TBC1D31: variants seen among roughly 807,000 people sequenced by gnomAD.
TBC1D31 encodes TBC1 domain family member 31.
TBC1D31 carries 99 observed loss-of-function variants against 132.9 expected under a neutral mutation model. That is an observed-to-expected ratio of 0.74 (90% CI 0.63 to 0.88). The LOEUF is 0.88. TBC1D31 is among the 40% of genes least tolerant of loss of function. TBC1D31 has a pLI of 0.00. For missense variants in TBC1D31, 1,134 were observed against 1,256.6 expected (o/e 0.90, Z 1.48); for synonymous variants, 385 against 419.4 (o/e 0.92, Z 1.00).
chr8:123,077,463 G>A (rs557681409), intron 2 of TBC1D31, among the ~76,000 whole-genome samples: 5 of 151,648 alleles, frequency 3.3e-5, no homozygotes, highest in South Asian at 2.1e-4. Context: ...AAGAATTAAA[G>A]TGCTGGTTTT....
intron 17 of TBC1D31, 23 bp downstream of exon 17, chr8:123,134,229 A>G: frequency 2.5e-6 from 4 of 1,604,550 alleles, no homozygotes; most frequent in South Asian, 1.1e-5. Context: ...TATTTCCAAC[A>G]TAAGAAAAGC....
rs186493625 is a variant in TBC1D31 at position 123,075,693 on chromosome 8, A to G, written c.78-1418A>G. Among the ~76,000 whole-genome samples, 302 of 151,910 alleles carry G rather than the reference A, an allele frequency of 2.0e-3. 1 individual carries two copies. Among genetic ancestry groups the G allele is most frequent in the Non-Finnish European group, 3.5e-3 (241 of 67,934 alleles). On this transcript the variant is annotated intron_variant, in intron 1 of 21. Transcript: ENST00000287380. Reference sequence around the variant, plus strand: ...ACTCTAGCCTGGGTGACAGAGCGAGACTCCATCTCAAAAAAAAAAATAAAA... The same window carrying G: ...ACTCTAGCCTGGGTGACAGAGCGAGGCTCCATCTCAAAAAAAAAAATAAAA...
At chr8:123,159,104 G>A in the TBC1D31 span, among the ~76,000 whole-genome samples, 1 of 152,050 alleles carries the variant, frequency 6.6e-6, no homozygotes, top group East Asian at 1.9e-4. Flanking sequence ...AGATCTGCAG[G>A]CCCGAGGAGA....
At position 123,134,217 on chromosome 8, in the gene TBC1D31, G is replaced by T. The variant is rs1361513510; in HGVS notation, c.2499+11G>T. The T allele has an allele frequency of 6.2e-7, 1 of 1,610,002 alleles. No homozygotes were observed. Among genetic ancestry groups the T allele is most frequent in the East Asian group, 2.2e-5 (1 of 44,836 alleles). On this transcript the variant is annotated intron_variant, in intron 17 of 21. Coordinates refer to ENST00000287380, the MANE Select transcript of TBC1D31 (RefSeq NM_145647.4). ...AGACTTTATGAGAAGGTATAATTCA[G>T]TTATTTCCAACATAAGAAAAGCAGG...
At chr8:123,151,129 A>G (rs1822730433) in intron 21 of TBC1D31, among the ~76,000 whole-genome samples, 1 of 117,292 alleles carries the variant, frequency 8.5e-6, no homozygotes, top group South Asian at 2.3e-4. Context: ...CTATTCTGAC[A>G]TATCAAATGG....
intron 10 of TBC1D31, among the ~76,000 whole-genome samples, chr8:123,113,885 C>T (rs1359877688): frequency 3.3e-5 from 5 of 151,976 alleles, no homozygotes; most frequent in East Asian, 1.9e-4. Flanking sequence ...GATTTAAGGG[C>T]GATAACCAAA....
intron 16 of TBC1D31, among the ~76,000 whole-genome samples, chr8:123,130,736 C>T (rs1387032693): frequency 6.6e-6 from 1 of 151,488 alleles, no homozygotes; most frequent in Non-Finnish European, 1.5e-5. Flanking sequence ...ATTCTCCTGC[C>T]TCAGCCTCCC....
intron 4 of TBC1D31, among the ~76,000 whole-genome samples, chr8:123,086,873 A>G (rs936052054): frequency 9.2e-5 from 14 of 152,096 alleles, no homozygotes; most frequent in Non-Finnish European, 1.5e-5. Flanking sequence ...GTGCGCCATG[A>G]CAGCCAACTA....
Position 123,115,940 on chromosome 8 carries a change from A to G in TBC1D31, c.1437-4115A>G, listed in dbSNP as rs563093632. 3.3e-5 allele frequency among the ~76,000 whole-genome samples: 5 copies of G among 152,320 alleles called. No homozygotes were observed. The South Asian group carries it at 1.0e-3, about 32-fold the overall frequency. ...CTTCATGGATTACAGGGATTAGAGC[A>G]TGGACATCTTTTGGGGAGGGGGACA... On this transcript the variant is annotated intron_variant, in intron 10 of 21. Transcript: ENST00000287380.
chr8:123,165,049 G>C, the TBC1D31 span, among the ~76,000 whole-genome samples: 1 of 152,202 alleles, frequency 6.6e-6, no homozygotes, highest in Non-Finnish European at 1.5e-5. Flanking sequence ...AGATGATAAG[G>C]AGACCCAGGA....
At position 123,093,662 on chromosome 8, in the gene TBC1D31, T is replaced by C; in HGVS notation, c.591T>C (p.Cys197=). The C allele has an allele frequency of 1.9e-6, 3 of 1,611,440 alleles. No individual in the cohort carries two copies. ...FKDNSIFAWE[C]DTLFCKYQLP... ...ATAATTCCATTTTTGCCTGGGAATG[T>C]GACACACTTTTTTGCAAATATCAAT... is the stretch of plus-strand genomic sequence containing the variant. The change falls in exon 5 of 22, where the codon TGT becomes TGC. Residue 197 remains cysteine (C), a synonymous_variant. Coordinates refer to ENST00000287380, the MANE Select transcript of TBC1D31 (RefSeq NM_145647.4).
intron 3 of TBC1D31, chr8:123,083,889 G>A (rs1304365831): frequency 1.5e-5 from 5 of 334,780 alleles, no homozygotes; most frequent in Non-Finnish European, 2.2e-5. Flanking sequence ...TTACCTGCAA[G>A]AGAAAGCCCA....
chr8:123,158,408 G>T, the TBC1D31 span, among the ~76,000 whole-genome samples: 1 of 152,100 alleles, frequency 6.6e-6, no homozygotes, highest in East Asian at 1.9e-4. Context: ...ACAGAACTCT[G>T]GGCAAGGCCA....
In TBC1D31 at chr8:123,133,140, A is replaced by T. The variant is rs1337691121; in HGVS notation, c.2407-974A>T. On this transcript the variant is annotated intron_variant, in intron 16 of 21. Transcript: ENST00000287380. ...TGCTTGAATCTGAAGTGACAAGTAC[A>T]TGTGACTGTGAACATCTGTTAGCAG... Among the ~76,000 whole-genome samples, 3 of 152,264 alleles carry T rather than the reference A, an allele frequency of 2.0e-5. No homozygotes were observed. The South Asian group carries it at 6.2e-4, about 31-fold the overall frequency.
intron 21 of TBC1D31, among the ~76,000 whole-genome samples, chr8:123,150,571 T>C (rs1200141448): frequency 6.6e-6 from 1 of 152,218 alleles, no homozygotes; most frequent in African/African-American, 2.4e-5. Context: ...AAAACATGTG[T>C]CTGCCCTGGG....
chr8:123,084,344 A>C lies in TBC1D31; in HGVS notation c.519+4A>C, dbSNP rs1396260155. The C allele has an allele frequency of 6.2e-7, 1 of 1,613,606 alleles. No individual in the cohort carries two copies. The highest frequency in any genetic ancestry group is 1.3e-5 in the African/African-American group (1 of 74,928). On this transcript the variant is annotated splice_donor_region_variant and intron_variant, in intron 4 of 21. Coordinates refer to ENST00000287380, the MANE Select transcript of TBC1D31 (RefSeq NM_145647.4). The stretch of plus-strand genomic sequence containing the variant: ...CCAGTCTGTGGGTATACAGAAGGTC[A>C]GTGAGGGGGTACATCTTGGTCTGTT...
chr8:123,153,721 G>T (rs1170487784), downstream of TBC1D31, among the ~76,000 whole-genome samples: 2 of 152,176 alleles, frequency 1.3e-5, no homozygotes, highest in Non-Finnish European at 1.5e-5. Context: ...TTTATAATGT[G>T]AATTCTCTGG....
downstream of TBC1D31, among the ~76,000 whole-genome samples, chr8:123,156,035 T>C (rs1354128320): frequency 6.6e-6 from 1 of 152,212 alleles, no homozygotes; most frequent in Non-Finnish European, 1.5e-5. Context: ...CTCTCCTCGT[T>C]GGCACTAAGA....
chr8:123,113,668 A>G (rs1288464372), intron 10 of TBC1D31, among the ~76,000 whole-genome samples: 1 of 152,242 alleles, frequency 6.6e-6, no homozygotes, highest in Non-Finnish European at 1.5e-5. Context: ...TACATTTACA[A>G]TTAAAGTTAC....
Sources: allele counts gnomAD v4.1 joint callset (sites outside exome capture counted in the v4.1 genomes callset), GRCh38; gene constraint gnomAD v4.1.1; transcripts MANE v1.5; gene names NCBI Gene and HGNC (gene_info 2026-07-23, HGNC 2026-07-21).